LRP1B: variants seen among roughly 807,000 people sequenced by gnomAD.
LRP1B encodes the protein LDL receptor related protein 1B, also known as low-density lipoprotein receptor-related protein 1B.
In LRP1B, 217 loss-of-function variants were observed where a neutral mutation model predicts 556.6. That is an observed-to-expected ratio of 0.39 (90% CI 0.35 to 0.44). LRP1B has a LOEUF of 0.44. Ranked by LOEUF, LRP1B falls within the 20% of genes least tolerant of loss-of-function variation. The pLI is 1.00. For synonymous variants in LRP1B, 2,047 were observed against 1,865.8 expected (o/e 1.10, Z -2.50); for missense variants, 5,053 against 5,620.8 (o/e 0.90, Z 3.23).
At chr2:141,630,049 C>T (rs953985025) in intron 2 of LRP1B, among the ~76,000 whole-genome samples, 1 of 152,178 alleles carries the variant, frequency 6.6e-6, no homozygotes, top group Non-Finnish European at 1.5e-5. Flanking sequence ...CAAGGTCCCT[C>T]ACCCCCTATA....
At chr2:141,714,116 T>C (rs1490868562) in intron 2 of LRP1B, among the ~76,000 whole-genome samples, 1 of 152,108 alleles carries the variant, frequency 6.6e-6, no homozygotes, top group African/African-American at 2.4e-5. Flanking sequence ...TCACCAAAGA[T>C]TGGAATAAAG....
At chr2:140,930,111 G>T (rs1186513363) in intron 20 of LRP1B, among the ~76,000 whole-genome samples, 1 of 151,966 alleles carries the variant, frequency 6.6e-6, no homozygotes, top group Admixed American at 6.6e-5. Context: ...TTAAGCTTCA[G>T]GGCTTGGCAC....
intron 1 of LRP1B, among the ~76,000 whole-genome samples, chr2:142,078,793 G>C (rs1283398800): frequency 6.6e-6 from 1 of 151,902 alleles, no homozygotes; most frequent in Non-Finnish European, 1.5e-5. Context: ...GTAATAATAG[G>C]GTTTTTTTGG....
At chr2:141,978,802 G>T (rs899878722) in intron 1 of LRP1B, among the ~76,000 whole-genome samples, 1 of 151,886 alleles carries the variant, frequency 6.6e-6, no homozygotes, top group African/African-American at 2.4e-5. Flanking sequence ...CTATAGGTTT[G>T]TTTTTACATT....
chr2:141,529,697 T>C (rs1033559115), intron 2 of LRP1B, among the ~76,000 whole-genome samples: 8 of 152,130 alleles, frequency 5.3e-5, no homozygotes, highest in African/African-American at 1.9e-4. Context: ...AATACCACTA[T>C]TAATCATACC....
At chr2:141,500,169 G>A (rs34050146) in intron 2 of LRP1B, among the ~76,000 whole-genome samples, 13,017 of 152,110 alleles carry the variant, frequency 0.086, 614 homozygotes, top group South Asian at 0.12. Flanking sequence ...AATAACAAAT[G>A]TTAGTAAAAT....
intron 31 of LRP1B, among the ~76,000 whole-genome samples, chr2:140,827,631 T>A (rs1691555399): frequency 1.3e-5 from 2 of 151,614 alleles, no homozygotes; most frequent in South Asian, 4.2e-4. Context: ...GGGAATAACC[T>A]CAAAAGTGTA....
intron 68 of LRP1B, among the ~76,000 whole-genome samples, chr2:140,377,326 C>T (rs1015222176): frequency 8.5e-5 from 13 of 152,136 alleles, no homozygotes; most frequent in African/African-American, 2.2e-4. Context: ...CCACCCGCCT[C>T]GGCCTCCCAA....
chr2:141,581,328 G>A (rs1224395010), intron 2 of LRP1B, among the ~76,000 whole-genome samples: 1 of 152,156 alleles, frequency 6.6e-6, no homozygotes, highest in Non-Finnish European at 1.5e-5. Flanking sequence ...TACACTTTAA[G>A]CTCCCCAATG....
At chr2:140,582,302 G>A (rs1366192939) in intron 43 of LRP1B, among the ~76,000 whole-genome samples, 1 of 152,116 alleles carries the variant, frequency 6.6e-6, no homozygotes, top group Non-Finnish European at 1.5e-5. Flanking sequence ...ATTGGGGTTA[G>A]GCATCACTAT....
intron 17 of LRP1B, among the ~76,000 whole-genome samples, chr2:140,987,244 C>T (rs541782232): frequency 7.0e-4 from 107 of 152,072 alleles, no homozygotes; most frequent in African/African-American, 2.3e-3. Flanking sequence ...AATATACTGA[C>T]GAAAAGATCT....
At chr2:140,708,594 G>C (rs1686924415) in intron 37 of LRP1B, among the ~76,000 whole-genome samples, 1 of 150,918 alleles carries the variant, frequency 6.6e-6, no homozygotes, top group African/African-American at 2.4e-5. Context: ...TTATATATGT[G>C]TTTACACCCT....
At chr2:142,056,386 C>G (rs10928134) in intron 1 of LRP1B, among the ~76,000 whole-genome samples, 91,310 of 151,812 alleles carry the variant, frequency 0.6, 28,788 homozygotes, top group East Asian at 0.68. Flanking sequence ...CAATTCTGTC[C>G]TAATTATATG....
intron 3 of LRP1B, among the ~76,000 whole-genome samples, chr2:141,301,580 T>C (rs1167880345): frequency 3.3e-5 from 5 of 152,166 alleles, no homozygotes; most frequent in Non-Finnish European, 7.4e-5. Flanking sequence ...CACTTTCTTA[T>C]TCTCATTTTC....
chr2:141,635,420 A>G (rs1361003131), intron 2 of LRP1B, among the ~76,000 whole-genome samples: 2 of 119,534 alleles, frequency 1.7e-5, no homozygotes, highest in Non-Finnish European at 3.6e-5. Context: ...GGAGAAATAC[A>G]AAAAAAAGTC....
intron 86 of LRP1B, among the ~76,000 whole-genome samples, chr2:140,252,239 G>C (rs1347653743): frequency 6.6e-6 from 1 of 151,402 alleles, no homozygotes; most frequent in Non-Finnish European, 1.5e-5. Context: ...AAAAGTCTTA[G>C]ATGAAATTAT....
intron 63 of LRP1B, among the ~76,000 whole-genome samples, chr2:140,444,999 A>T (rs1474459309): frequency 1.3e-5 from 2 of 152,212 alleles, no homozygotes; most frequent in African/African-American, 4.8e-5. Context: ...AAGTTGCAGA[A>T]TGAAATTTAT....
chr2:142,104,640 A>G (rs1001897873), intron 1 of LRP1B, among the ~76,000 whole-genome samples: 3 of 152,228 alleles, frequency 2.0e-5, no homozygotes, highest in Admixed American at 6.6e-5. Flanking sequence ...CTGTGTTTGC[A>G]TTGGAGCTTC....
intron 1 of LRP1B, among the ~76,000 whole-genome samples, chr2:141,971,902 A>T (rs1701750927): frequency 6.6e-6 from 1 of 151,118 alleles, no homozygotes. Context: ...ATCACTCTTC[A>T]CCCCTTTATA....
Sources: gnomAD v4.1 joint callset for allele counts (sites outside exome capture counted in the v4.1 genomes callset) on GRCh38, gnomAD v4.1.1 for gene constraint, MANE v1.5 for transcripts, NCBI Gene and HGNC (gene_info 2026-07-23, HGNC 2026-07-21) for gene names.